PDGFC: variants seen among roughly 807,000 people sequenced by gnomAD.
PDGFC encodes the protein platelet derived growth factor C.
In PDGFC, 12 loss-of-function variants were observed where a neutral mutation model predicts 35.5. That is an observed-to-expected ratio of 0.34 (90% CI 0.22 to 0.55). The LOEUF (loss-of-function observed/expected upper bound fraction) is 0.55. Among genes scored for constraint, PDGFC ranks in the 20% least tolerant of loss-of-function variants. PDGFC has a pLI of 0.91. For synonymous variants in PDGFC, 159 were observed against 148.8 expected (o/e 1.07, Z -0.50); for missense variants, 322 against 412.4 (o/e 0.78, Z 1.90).
At chr4:156,911,358 G>A (rs1322264434) in intron 1 of PDGFC, among the ~76,000 whole-genome samples, 1 of 151,820 alleles carries the variant, frequency 6.6e-6, no homozygotes, top group Non-Finnish European at 1.5e-5. Flanking sequence ...CTTTTATTGT[G>A]AAACGGAAAC....
intron 1 of PDGFC, among the ~76,000 whole-genome samples, chr4:156,897,046 G>A (rs746726319): frequency 2.0e-5 from 3 of 152,056 alleles, no homozygotes; most frequent in Non-Finnish European, 4.4e-5. Flanking sequence ...GAGCCCAGTC[G>A]ATACCTCTTT....
rs1730366418 is a variant in PDGFC, at chr4:156,761,167, A to G, written c.*1923T>C. The G allele has an allele frequency of 6.6e-6, 1 of 152,328 alleles. No individual in the cohort carries two copies. The highest frequency in any genetic ancestry group is 1.5e-5 in the Non-Finnish European group (1 of 68,116). 9.4% of individuals were successfully genotyped at this position (152,328 alleles called of 1,614,324 possible). The stretch of plus-strand genomic sequence containing the variant: ...TGAAAGGCTGAGGAAAGGATGCTGA[A>G]GATACCAGCCCTGAATAGGAATCTA... On this transcript the variant is annotated 3_prime_UTR_variant, in exon 6 of 6. Coordinates refer to ENST00000502773, the MANE Select transcript of PDGFC (RefSeq NM_016205.3).
chr4:156,776,545 G>A (rs1331680849), intron 3 of PDGFC, among the ~76,000 whole-genome samples: 2 of 152,216 alleles, frequency 1.3e-5, no homozygotes, highest in Non-Finnish European at 1.5e-5. Context: ...TGGTGAGGGT[G>A]TGGCCCTAGC....
At position 156,803,588 on chromosome 4, in the gene PDGFC, GAGTTATTTCAAAAA is replaced by G. The variant is rs1731674725; in HGVS notation, c.495+7235_495+7248del. 2.0e-5 allele frequency among the ~76,000 whole-genome samples: 3 copies of G among 152,224 alleles called. No individual in the cohort carries two copies. In the South Asian group the frequency reaches 6.2e-4, roughly 32 times the overall value. ...TAGAGTCGTAGAGGTAAATTCAAAA[GAGTTATTTCAAAAA>G]ATTGGAAGTGCCTGCCTACAAAGGG... is the stretch of plus-strand genomic sequence containing the variant. On this transcript the variant is annotated intron_variant, in intron 3 of 5. Coordinates refer to ENST00000502773, the MANE Select transcript of PDGFC (RefSeq NM_016205.3).
In PDGFC at chr4:156,767,893, A is replaced by G. The variant is rs903111206; in HGVS notation, c.801T>C (p.Asp267=). The change falls in exon 5 of 6, where the codon GAT becomes GAC. Residue 267 remains aspartate, a synonymous_variant. Coordinates refer to ENST00000502773, the MANE Select transcript of PDGFC (RefSeq NM_016205.3). The part of the protein sequence containing the change: ...VSIREELKRT[D]TIFWPGCLLV... ...GGAGACAACCTGGCCAGAAAATGGTATCGGTTCTCTTTAGTTCTTCCCTTA... is the reference window on the plus strand; with the variant it reads ...GGAGACAACCTGGCCAGAAAATGGTGTCGGTTCTCTTTAGTTCTTCCCTTA... 2 of 1,612,986 alleles carry G rather than the reference A, an allele frequency of 1.2e-6. No homozygotes were observed. Among genetic ancestry groups the G allele is most frequent in the Non-Finnish European group, 8.5e-7 (1 of 1,179,040 alleles).
intron 1 of PDGFC, among the ~76,000 whole-genome samples, chr4:156,936,822 G>C (rs1021005309): frequency 1.3e-5 from 2 of 152,140 alleles, no homozygotes; most frequent in Non-Finnish European, 2.9e-5. Context: ...AAGCAGCAGA[G>C]GGGACTGAAA....
chr4:156,910,981 T>G (rs1731025086), intron 1 of PDGFC, among the ~76,000 whole-genome samples: 1 of 152,184 alleles, frequency 6.6e-6, no homozygotes, highest in Non-Finnish European at 1.5e-5. Context: ...TATTTTTTTC[T>G]AAATCCATAG....
chr4:156,932,944 C>G (rs1020480814), intron 1 of PDGFC, among the ~76,000 whole-genome samples: 1 of 150,886 alleles, frequency 6.6e-6, no homozygotes, highest in Non-Finnish European at 1.5e-5. Flanking sequence ...CACACACACA[C>G]AAAGAGTGAA....
chr4:156,836,819 T>C (rs1729074659), intron 2 of PDGFC, among the ~76,000 whole-genome samples: 1 of 152,240 alleles, frequency 6.6e-6, no homozygotes, highest in Non-Finnish European at 1.5e-5. Flanking sequence ...AAAAGATTTT[T>C]TTTTAGTCAT....
chr4:156,822,133 GTAGA>G (rs1258956118), intron 2 of PDGFC, among the ~76,000 whole-genome samples: 2 of 152,084 alleles, frequency 1.3e-5, no homozygotes, highest in Non-Finnish European at 2.9e-5. Flanking sequence ...GCCAAGGCGG[GTAGA>G]TCACGAGTTC....
intron 2 of PDGFC, among the ~76,000 whole-genome samples, chr4:156,848,804 G>T (rs748850120): frequency 6.6e-6 from 1 of 151,990 alleles, no homozygotes; most frequent in Non-Finnish European, 1.5e-5. Context: ...ACAAGAAGGT[G>T]TAATCAGGAA....
At chr4:156,784,866 T>G (rs1731079274) in intron 3 of PDGFC, among the ~76,000 whole-genome samples, 1 of 152,200 alleles carries the variant, frequency 6.6e-6, no homozygotes, top group Admixed American at 6.5e-5. Context: ...GATCCTGTAA[T>G]TCCATATTCA....
chr4:156,859,379 T>C (rs529995056), intron 1 of PDGFC, among the ~76,000 whole-genome samples: 2 of 152,224 alleles, frequency 1.3e-5, no homozygotes, highest in Non-Finnish European at 2.9e-5. Flanking sequence ...GTCACTTCTA[T>C]ACAAATCATG....
intron 1 of PDGFC, among the ~76,000 whole-genome samples, chr4:156,922,155 A>AGTGTGTGTGTGTGTGTGTGTGT (rs3070262): frequency 6.9e-6 from 1 of 145,274 alleles, no homozygotes; most frequent in African/African-American, 2.5e-5. Context: ...AAGGATTCAT[A>AGTGTGTGTGTGTGTGTGTGTGT]GTGTGTGTGT....
At chr4:156,867,323 C>T (rs1729868459) in intron 1 of PDGFC, among the ~76,000 whole-genome samples, 1 of 152,218 alleles carries the variant, frequency 6.6e-6, no homozygotes, top group Non-Finnish European at 1.5e-5. Context: ...GCCCTTTGCT[C>T]TACACATACC....
At chr4:156,773,852 G>A (rs939334950) in intron 3 of PDGFC, 1 of 152,132 alleles carries the variant, frequency 6.6e-6, no homozygotes, top group African/African-American at 2.4e-5. Context: ...TATGCACATG[G>A]AAATATGTTC....
chr4:156,887,922 G>T (rs1015731521), intron 1 of PDGFC, among the ~76,000 whole-genome samples: 1 of 151,188 alleles, frequency 6.6e-6, no homozygotes, highest in Non-Finnish European at 1.5e-5. Flanking sequence ...AGAATCGCTT[G>T]AGCCCAGGAG....
intron 2 of PDGFC, among the ~76,000 whole-genome samples, chr4:156,826,387 G>A (rs1732480718): frequency 6.6e-6 from 1 of 151,756 alleles, no homozygotes; most frequent in Non-Finnish European, 1.5e-5. Flanking sequence ...ATTTTTAGTA[G>A]AGACAGGGTT....
chr4:156,900,899 G>C lies in PDGFC; in HGVS notation c.119-50483C>G, dbSNP rs923743787. On this transcript the variant is annotated intron_variant, in intron 1 of 5. Transcript: ENST00000502773. ...AAGGAGGGAGGAAAGGAGGGAAGGA[G>C]GGAGGAAGGGAGGGAGGGAGAGAGG... Among the ~76,000 whole-genome samples the C allele has an allele frequency of 1.0e-4, 15 of 147,098 alleles. 1 individual carries two copies. Among genetic ancestry groups the C allele is most frequent in the Admixed American group, 9.5e-4 (14 of 14,764 alleles).
Sources: gnomAD v4.1 joint callset for allele counts (sites outside exome capture counted in the v4.1 genomes callset) on GRCh38, gnomAD v4.1.1 for gene constraint, MANE v1.5 for transcripts, NCBI Gene and HGNC (gene_info 2026-07-23, HGNC 2026-07-21) for gene names.